Variants in KCNQ5 observed in about 807,000 individuals in gnomAD.
KCNQ5 encodes the protein potassium voltage-gated channel subfamily Q member 5, also known as potassium voltage-gated channel subfamily KQT member 5.
A neutral mutation model predicts 98.2 loss-of-function variants in KCNQ5; 30 were observed. That is an observed-to-expected ratio of 0.31 (90% confidence interval 0.23 to 0.41). KCNQ5 has a LOEUF of 0.41. Among genes scored for constraint, KCNQ5 ranks in the 10% least tolerant of loss-of-function variants. The pLI is 1.00. For missense variants in KCNQ5, 835 were observed against 1,182.5 expected (o/e 0.71, Z 4.31); for synonymous variants, 458 against 449.4 (o/e 1.02, Z -0.24).
intron 1 of KCNQ5, among the ~76,000 whole-genome samples, chr6:72,892,799 G>A (rs985202562): frequency 7.1e-4 from 107 of 151,510 alleles, no homozygotes; most frequent in African/African-American, 2.3e-3. Flanking sequence ...ATCAGTTTTC[G>A]GAAGCTCTTC....
intron 1 of KCNQ5, among the ~76,000 whole-genome samples, chr6:72,892,692 T>C (rs1229843844): frequency 6.6e-6 from 1 of 151,910 alleles, no homozygotes; most frequent in Non-Finnish European, 1.5e-5. Context: ...CATGAGTTTG[T>C]ACTTTGAATG....
intron 1 of KCNQ5, among the ~76,000 whole-genome samples, chr6:72,937,174 G>A (rs905637055): frequency 7.9e-5 from 12 of 152,082 alleles, no homozygotes; most frequent in East Asian, 1.9e-4. Flanking sequence ...AGTGCTTTAC[G>A]AACCCAGAGA....
intron 1 of KCNQ5, among the ~76,000 whole-genome samples, chr6:72,830,277 A>T (rs1776194714): frequency 6.6e-6 from 1 of 152,228 alleles, no homozygotes; most frequent in Non-Finnish European, 1.5e-5. Flanking sequence ...CATTGCCAAG[A>T]CAATCCTAAG....
At chr6:73,080,165 C>T (rs1433851323) in intron 5 of KCNQ5, among the ~76,000 whole-genome samples, 2 of 152,240 alleles carry the variant, frequency 1.3e-5, no homozygotes, top group East Asian at 1.9e-4. Context: ...GCCAGAATAA[C>T]CCACACGGTA....
intron 1 of KCNQ5, among the ~76,000 whole-genome samples, chr6:72,682,737 T>C (rs1565077313): frequency 6.6e-6 from 1 of 152,182 alleles, no homozygotes; most frequent in Non-Finnish European, 1.5e-5. Context: ...TATTTTACCA[T>C]TAGGAACAAG....
chr6:72,995,626 G>T (rs184287703), intron 1 of KCNQ5, among the ~76,000 whole-genome samples: 156 of 152,238 alleles, frequency 1.0e-3, no homozygotes, highest in African/African-American at 3.7e-3. Context: ...ACCTGATAGG[G>T]GTGCTCCAAA....
At chr6:73,031,397 A>G (rs1485849551) in intron 2 of KCNQ5, among the ~76,000 whole-genome samples, 2 of 152,358 alleles carry the variant, frequency 1.3e-5, no homozygotes, top group Admixed American at 6.5e-5. Context: ...AATGAAAATC[A>G]TAGGCCAATT....
intron 5 of KCNQ5, among the ~76,000 whole-genome samples, chr6:73,086,782 G>T (rs1774005895): frequency 6.6e-6 from 1 of 152,194 alleles, no homozygotes; most frequent in Non-Finnish European, 1.5e-5. Flanking sequence ...GAAACAAGGA[G>T]CTGTAATATA....
intron 7 of KCNQ5, among the ~76,000 whole-genome samples, chr6:73,117,693 T>C (rs895323463): frequency 3.3e-5 from 5 of 152,240 alleles, no homozygotes; most frequent in African/African-American, 1.2e-4. Context: ...GTGTGACATC[T>C]TCTATGGAAA....
intron 5 of KCNQ5, among the ~76,000 whole-genome samples, chr6:73,082,887 C>CTTTTT (rs66921503): frequency 1.4e-5 from 1 of 72,936 alleles, no homozygotes; most frequent in Non-Finnish European, 2.6e-5. Flanking sequence ...ATTACCAAAC[C>CTTTTT]TTTTTTTTTT....
chr6:73,077,932 G>T (rs1562164841), intron 5 of KCNQ5, 45 bp downstream of exon 5: 9 of 1,458,388 alleles, frequency 6.2e-6, no homozygotes, highest in East Asian at 2.4e-5. Flanking sequence ...GTTGTGAATT[G>T]TTTTTTTTTA....
intron 1 of KCNQ5, among the ~76,000 whole-genome samples, chr6:72,691,886 T>A (rs1324244026): frequency 6.6e-6 from 1 of 152,220 alleles, no homozygotes. Flanking sequence ...TTTTCAAGCA[T>A]AAATATTTTG....
chr6:72,820,183 G>A (rs79889347), intron 1 of KCNQ5, among the ~76,000 whole-genome samples: 2,183 of 152,306 alleles, frequency 0.014, 40 homozygotes, highest in Middle Eastern at 0.02. Context: ...GTCATAGTGT[G>A]TGTACATGCA....
rs557002835 is a variant in KCNQ5, at chr6:72,736,718, C to T, written c.398+114131C>T. Among the ~76,000 whole-genome samples, 83 of 150,838 alleles carry T rather than the reference C, an allele frequency of 5.5e-4. 1 individual carries two copies. Among genetic ancestry groups the T allele is most frequent in the Non-Finnish European group, 8.6e-4 (58 of 67,802 alleles). On this transcript the variant is annotated intron_variant, in intron 1 of 13. Coordinates refer to ENST00000370398, the MANE Select transcript of KCNQ5 (RefSeq NM_019842.4). ...GTTTCACCGTTTTAGCCGGGATGGT[C>T]TCGATCTCCTGACCTCGTGATCCGC...
chr6:72,726,205 T>TAA lies in KCNQ5; in HGVS notation c.398+103620_398+103621dup, dbSNP rs145136775. Among the ~76,000 whole-genome samples the TAA allele has an allele frequency of 4.9e-3, 634 of 130,028 alleles. 5 individuals carry two copies. Among genetic ancestry groups the TAA allele is most frequent in the African/African-American group, 0.02 (591 of 29,418 alleles). 85.3% of individuals were successfully genotyped at this position (130,028 alleles called of 152,430 possible). ...TAGATAAAAATCTGTTTTTTAAATT[T>TAA]AAATTTTTTTTTTTTTTTTTTTCGA... On this transcript the variant is annotated intron_variant, in intron 1 of 13. Transcript: ENST00000370398.
intron 8 of KCNQ5, among the ~76,000 whole-genome samples, chr6:73,121,676 T>C (rs1200997281): frequency 1.3e-5 from 2 of 152,186 alleles, no homozygotes; most frequent in Non-Finnish European, 2.9e-5. Context: ...TTACTGATCT[T>C]GGGAGATATC....
chr6:72,915,893 A>G (rs184828652), intron 1 of KCNQ5, among the ~76,000 whole-genome samples: 24 of 152,356 alleles, frequency 1.6e-4, no homozygotes, highest in African/African-American at 5.5e-4. Context: ...GTTAAGATTC[A>G]TGAGGGACAT....
intron 1 of KCNQ5, among the ~76,000 whole-genome samples, chr6:72,906,638 A>G (rs1178092423): frequency 1.3e-5 from 2 of 152,220 alleles, no homozygotes; most frequent in African/African-American, 2.4e-5. Flanking sequence ...AGGTAAGGTC[A>G]GAATCTTCAC....
chr6:73,105,691 A>C (rs1774969588), intron 6 of KCNQ5, among the ~76,000 whole-genome samples: 1 of 152,194 alleles, frequency 6.6e-6, no homozygotes, highest in Non-Finnish European at 1.5e-5. Context: ...ATTCTTTTAA[A>C]ACTGATCCTT....
Sources: gnomAD v4.1 joint callset for allele counts (sites outside exome capture counted in the v4.1 genomes callset) on GRCh38, gnomAD v4.1.1 for gene constraint, MANE v1.5 for transcripts, NCBI Gene and HGNC (gene_info 2026-07-23, HGNC 2026-07-21) for gene names.